Variants in PTP4A3 observed in about 807,000 individuals in gnomAD.
PTP4A3 encodes protein tyrosine phosphatase 4A3, also known as protein tyrosine phosphatase type IVA 3.
PTP4A3 carries 9 observed loss-of-function variants against 15.2 expected under a neutral mutation model. The observed-to-expected ratio is 0.59, with a 90% CI of 0.36 to 1.03. The LOEUF (loss-of-function observed/expected upper bound fraction) is 1.03. Ranked by LOEUF, PTP4A3 falls within the 50% of genes least tolerant of loss-of-function variation. The probability of loss-of-function intolerance (pLI) is 0.02; values close to 1 mark genes in which losing one functional copy is unlikely to be tolerated. For missense variants in PTP4A3, 234 were observed against 252.1 expected, an observed-to-expected ratio of 0.93 and a Z score of 0.49; for synonymous variants, 95 against 102.0, an observed-to-expected ratio of 0.93 and a Z score of 0.41.
intron 5 of PTP4A3, among the ~76,000 whole-genome samples, chr8:141,428,660 CTG>C (rs1162185986): frequency 6.6e-6 from 1 of 152,042 alleles, no homozygotes; most frequent in African/African-American, 2.4e-5. Context: ...CCCTGTGGGT[CTG>C]TGCGAGAGCG....
chr8:141,419,050 C>T (rs1833196384), intron 1 of PTP4A3, among the ~76,000 whole-genome samples: 2 of 152,138 alleles, frequency 1.3e-5, no homozygotes, highest in South Asian at 4.1e-4. Flanking sequence ...ACCCCTAACC[C>T]CATTCTAGCC....
At chr8:141,417,862 C>T (rs935872485) in intron 1 of PTP4A3, among the ~76,000 whole-genome samples, 1 of 151,986 alleles carries the variant, frequency 6.6e-6, no homozygotes, top group Non-Finnish European at 1.5e-5. Context: ...TCACGCCCCC[C>T]ACGTGACGCC....
At chr8:141,400,348 T>A (rs1256494221) in intron 1 of PTP4A3, among the ~76,000 whole-genome samples, 1 of 152,220 alleles carries the variant, frequency 6.6e-6, no homozygotes, top group Middle Eastern at 3.2e-3. Flanking sequence ...CATTTGGTGA[T>A]GTTCATTATA....
intron 1 of PTP4A3, among the ~76,000 whole-genome samples, chr8:141,410,604 G>C (rs1438239975): frequency 2.0e-5 from 3 of 152,248 alleles, no homozygotes; most frequent in African/African-American, 7.2e-5. Context: ...GATCCCAGGA[G>C]AAAACCAAGG....
intron 1 of PTP4A3, among the ~76,000 whole-genome samples, chr8:141,402,889 G>T: frequency 6.6e-6 from 1 of 152,172 alleles, no homozygotes; most frequent in East Asian, 1.9e-4. Flanking sequence ...GGCCTTTGGC[G>T]GATCCAGGTG....
chr8:141,408,758 G>A (rs1339078715), intron 1 of PTP4A3, among the ~76,000 whole-genome samples: 4 of 152,198 alleles, frequency 2.6e-5, no homozygotes, highest in Non-Finnish European at 5.9e-5. Flanking sequence ...TGAAAGTGTC[G>A]TTGCCCTGCC....
In PTP4A3 at chr8:141,431,245, C is replaced by A; in HGVS notation, c.*201C>A. The stretch of plus-strand genomic sequence containing the variant: ...CTCGGGCCCTGGGTGGCCTCTGGGC[C>A]CTTTCTCCTGTCTCCGCCACTCCCT... On this transcript the variant is annotated 3_prime_UTR_variant, in exon 6 of 6. Transcript: ENST00000521578. 1 of 592,252 alleles carries A rather than the reference C, an allele frequency of 1.7e-6. No homozygotes were observed. The highest frequency in any genetic ancestry group is 3.0e-6 in the Non-Finnish European group (1 of 334,998). The allele number at this position is 592,252 out of a possible 1,614,324, so 36.7% of individuals were successfully genotyped here.
At chr8:141,394,603 C>T (rs553120491) in intron 1 of PTP4A3, among the ~76,000 whole-genome samples, 12 of 152,350 alleles carry the variant, frequency 7.9e-5, no homozygotes, top group African/African-American at 2.6e-4. Flanking sequence ...TTTCTTGCCC[C>T]TCCGTTTCCA....
At chr8:141,429,191 G>T (rs1833728803) in intron 5 of PTP4A3, among the ~76,000 whole-genome samples, 1 of 152,258 alleles carries the variant, frequency 6.6e-6, no homozygotes, top group Non-Finnish European at 1.5e-5. Context: ...GCCTTCCCCA[G>T]TGTGCCGGCT....
chr8:141,424,977 G>A (rs760014355), intron 2 of PTP4A3, 71 bp from the exon 3 acceptor site: 16 of 1,325,336 alleles, frequency 1.2e-5, no homozygotes, highest in Non-Finnish European at 1.6e-5. Flanking sequence ...GGGAGCCCTG[G>A]TGAGTGGGTC....
rs1399540524 is a variant in PTP4A3 at position 141,425,356 on chromosome 8, G to C, written c.198+216G>C. Among the ~76,000 whole-genome samples, 1 of 152,132 alleles carries C rather than the reference G, an allele frequency of 6.6e-6. No homozygotes were observed. On this transcript the variant is annotated intron_variant, in intron 3 of 5. Transcript: ENST00000521578. The surrounding 1 kb of genome is among the most constrained non-coding windows in gnomAD (Gnocchi z 4.2). ...GTCACCCTTGCGCACCCGTCTTTCT[G>C]TCTCTAGGGTGGGCCAGCACGGTTC... is the stretch of plus-strand genomic sequence containing the variant.
At chr8:141,395,894 T>C (rs1832439707) in intron 1 of PTP4A3, among the ~76,000 whole-genome samples, 1 of 152,206 alleles carries the variant, frequency 6.6e-6, no homozygotes, top group Admixed American at 6.5e-5. Flanking sequence ...TCAGGGCTTA[T>C]GCTTCTAGAA....
intron 1 of PTP4A3, among the ~76,000 whole-genome samples, chr8:141,394,962 C>T (rs1030202814): frequency 4.6e-5 from 7 of 152,230 alleles, no homozygotes; most frequent in Non-Finnish European, 7.3e-5. Context: ...GCCTGCCAGT[C>T]GGGTAGGCCA....
In PTP4A3 at chr8:141,425,061, A is replaced by C. The variant is rs1833503856; in HGVS notation, c.119A>C (p.Tyr40Ser). The C allele has an allele frequency of 6.2e-7, 1 of 1,612,892 alleles. No homozygotes were observed. Among genetic ancestry groups the C allele is most frequent in the African/African-American group, 1.3e-5 (1 of 74,870 alleles). Residue 40 changes from tyrosine (Y) to serine (S), a missense_variant, in exon 3 of 6, where the codon TAC becomes TCC. Physicochemically the swap from Tyr to Ser is moderately radical, Grantham distance 144. Coordinates refer to ENST00000521578, the MANE Select transcript of PTP4A3 (RefSeq NM_032611.3). This position sits in a 1 kb window ranked among gnomAD's most constrained non-coding sequence, Gnocchi z 4.2. ...LSTFIEDLKK[Y>S]GATTVVRVCE... is the part of the protein sequence containing the mutation. ...TCCCACCCCCAGGACCTGAAGAAGT[A>C]CGGGGCTACCACTGTGGTGCGTGTG...
intron 1 of PTP4A3, among the ~76,000 whole-genome samples, chr8:141,411,604 G>A (rs1203211479): frequency 1.3e-5 from 2 of 152,244 alleles, no homozygotes; most frequent in Non-Finnish European, 2.9e-5. Context: ...TCCCCTCACC[G>A]TGCAGGGCTG....
At chr8:141,416,727 G>A (rs528854095) in intron 1 of PTP4A3, among the ~76,000 whole-genome samples, 2 of 152,266 alleles carry the variant, frequency 1.3e-5, no homozygotes, top group South Asian at 2.1e-4. Flanking sequence ...ACTGGGCACA[G>A]CCCTCCTGTC....
Position 141,431,185 on chromosome 8 carries a change from C to T in PTP4A3, c.*141C>T, listed in dbSNP as rs1385040013. ...CCACATCGCCTTTTCCTCCCCGACA[C>T]CTCCGTGCACTTGTGTCCGAGGAGC... On this transcript the variant is annotated 3_prime_UTR_variant, in exon 6 of 6. Transcript: ENST00000521578. The T allele has an allele frequency of 7.1e-5, 54 of 757,106 alleles. 2 individuals are homozygous for T. Among genetic ancestry groups the T allele is most frequent in the Non-Finnish European group, 1.2e-4 (53 of 453,766 alleles). The allele number at this position is 757,106 out of a possible 1,614,324, so 46.9% of individuals were successfully genotyped here. A position where few individuals can be genotyped will look rare whatever the true frequency, so the allele number is the denominator to read the frequency against.
intron 2 of PTP4A3, among the ~76,000 whole-genome samples, chr8:141,424,053 C>T (rs542812519): frequency 1.7e-4 from 26 of 152,246 alleles, no homozygotes; most frequent in South Asian, 4.1e-4. Flanking sequence ...AGGGCTGAGC[C>T]GTGGGCTGGG....
chr8:141,394,349 G>A (rs1832384012), intron 1 of PTP4A3, among the ~76,000 whole-genome samples: 1 of 152,102 alleles, frequency 6.6e-6, no homozygotes, highest in African/African-American at 2.4e-5. Flanking sequence ...GTTCCATGAA[G>A]GTCCCAAATC....
Sources: allele counts gnomAD v4.1 joint callset (sites outside exome capture counted in the v4.1 genomes callset), GRCh38; gene constraint gnomAD v4.1.1; non-coding constraint Gnocchi (gnomAD v3.1); transcripts MANE v1.5; gene names NCBI Gene and HGNC (gene_info 2026-07-23, HGNC 2026-07-21).